Variants in TLE4 observed in about 807,000 individuals in gnomAD.
TLE4 encodes transducin-like enhancer protein 4.
Under a neutral mutation model 92.8 loss-of-function variants are expected in TLE4, and 8 were observed. The ratio of observed to expected loss-of-function variants is 0.09; its 90% CI spans 0.05 to 0.16. TLE4 has a LOEUF of 0.16. Among genes scored for constraint, TLE4 ranks in the 10% least tolerant of loss-of-function variants. The pLI is 1.00. For synonymous variants in TLE4, 371 were observed against 374.1 expected (o/e 0.99, Z 0.10); for missense variants, 675 against 997.6 (o/e 0.68, Z 4.36).
In TLE4 at chr9:79,572,512, A is replaced by G. The variant is rs1469915267; in HGVS notation, c.-279A>G. On this transcript the variant is annotated 5_prime_UTR_variant, in exon 1 of 20. Coordinates refer to ENST00000376552, the MANE Select transcript of TLE4 (RefSeq NM_007005.6). The stretch of plus-strand genomic sequence containing the variant: ...TCGGCGGGTGCGCCTCGGCGGAGCG[A>G]ACGTCGGAGCGTTGCCTTGGGAGAC... The G allele has an allele frequency of 4.5e-5, 7 of 155,266 alleles. No homozygotes were observed. 9.6% of individuals were successfully genotyped at this position (155,266 alleles called of 1,614,324 possible). A position where few individuals can be genotyped will look rare whatever the true frequency, so the allele number is the denominator to read the frequency against.
At chr9:79,638,249 T>C (rs962496392) in intron 6 of TLE4, among the ~76,000 whole-genome samples, 5 of 152,146 alleles carry the variant, frequency 3.3e-5, no homozygotes, top group Non-Finnish European at 7.4e-5. Flanking sequence ...CTTACAGGGA[T>C]TGCCATTATG....
rs557245763 is a variant in TLE4 at position 79,695,608 on chromosome 9, G to A, written c.610-9175G>A. 9.8e-5 allele frequency among the ~76,000 whole-genome samples: 15 copies of A among 152,298 alleles called. No individual in the cohort carries two copies. In the South Asian group the frequency reaches 1.0e-3, roughly 11 times the overall value. ...TTTCGTGGTGATCCAAACGGGCGTGGTCCTTGCCTTCATGGAGCTTCTAGT... is the reference window on the plus strand; with the variant it reads ...TTTCGTGGTGATCCAAACGGGCGTGATCCTTGCCTTCATGGAGCTTCTAGT... On this transcript the variant is annotated intron_variant, in intron 8 of 19. Coordinates refer to ENST00000376552, the MANE Select transcript of TLE4 (RefSeq NM_007005.6).
At chr9:79,675,542 C>T (rs2063121207) in intron 8 of TLE4, among the ~76,000 whole-genome samples, 1 of 152,134 alleles carries the variant, frequency 6.6e-6, no homozygotes, top group South Asian at 2.1e-4. Context: ...AATTAAATTT[C>T]ATTTATTCTT....
At chr9:79,681,008 G>A (rs969679647) in intron 8 of TLE4, among the ~76,000 whole-genome samples, 2 of 152,096 alleles carry the variant, frequency 1.3e-5, no homozygotes, top group African/African-American at 2.4e-5. Flanking sequence ...GCTTTTTGAT[G>A]TGCTGCTGGA....
chr9:79,661,146 C>T (rs993368630), intron 8 of TLE4, among the ~76,000 whole-genome samples: 1 of 152,148 alleles, frequency 6.6e-6, no homozygotes, highest in East Asian at 1.9e-4. Context: ...TAATAGTTGA[C>T]GCTTGAATTT....
intron 8 of TLE4, among the ~76,000 whole-genome samples, chr9:79,677,814 T>G (rs2063555566): frequency 1.3e-5 from 2 of 152,072 alleles, no homozygotes; most frequent in Non-Finnish European, 2.9e-5. Flanking sequence ...GTGGTCAATT[T>G]GTGGATGCTC....
intron 8 of TLE4, among the ~76,000 whole-genome samples, chr9:79,678,556 C>T (rs11791473): frequency 0.3 from 46,262 of 151,718 alleles, 8,906 homozygotes; most frequent in East Asian, 0.57. Context: ...TCAAAATCAC[C>T]TGAACGTTGC....
In TLE4 at chr9:79,706,828, G is replaced by A; in HGVS notation, c.865G>A (p.Ala289Thr). ...LDKTRLLKKD[A>T]PISPASIASS... The stretch of plus-strand genomic sequence containing the variant: ...CAAGACACGCCTGCTCAAGAAAGAT[G>A]CCCCGATTAGTCCAGCCTCTATTGC... The change falls in exon 11 of 20, where the codon GCC (alanine) becomes ACC (threonine). Residue 289 changes from alanine to threonine, a missense_variant. Coordinates refer to ENST00000376552, the MANE Select transcript of TLE4 (RefSeq NM_007005.6). 6.2e-7 allele frequency: 1 copy of A among 1,614,134 alleles called. No individual in the cohort carries two copies. Among genetic ancestry groups the A allele is most frequent in the Non-Finnish European group, 8.5e-7 (1 of 1,180,018 alleles).
intron 5 of TLE4, among the ~76,000 whole-genome samples, chr9:79,614,254 C>T (rs959455285): frequency 1.3e-5 from 2 of 151,986 alleles, no homozygotes; most frequent in Admixed American, 6.6e-5. Context: ...TCGAATTATC[C>T]CTGGGGTGGT....
intron 6 of TLE4, among the ~76,000 whole-genome samples, chr9:79,644,198 T>C (rs2057695598): frequency 6.6e-6 from 1 of 152,098 alleles, no homozygotes; most frequent in South Asian, 2.1e-4. Flanking sequence ...TATGAGGGGC[T>C]TCCCCCTTCA....
chr9:79,622,371 C>T (rs1190264671), intron 5 of TLE4, among the ~76,000 whole-genome samples: 3 of 152,174 alleles, frequency 2.0e-5, no homozygotes, highest in African/African-American at 7.2e-5. Flanking sequence ...CATTCTTGCT[C>T]TTCCTATAAG....
At chr9:79,597,203 C>T (rs2044256894) in intron 4 of TLE4, among the ~76,000 whole-genome samples, 1 of 152,138 alleles carries the variant, frequency 6.6e-6, no homozygotes, top group Non-Finnish European at 1.5e-5. Context: ...CCATCACTGA[C>T]CATCAGACCT....
intron 14 of TLE4, among the ~76,000 whole-genome samples, chr9:79,712,398 C>G (rs2073536532): frequency 6.6e-6 from 1 of 152,078 alleles, no homozygotes; most frequent in Non-Finnish European, 1.5e-5. Flanking sequence ...TTATGTGGCT[C>G]TCCAGATCAT....
At chr9:79,574,847 C>T (rs770245511) in intron 2 of TLE4, 26 bp from the exon 3 acceptor site, 2 of 1,598,008 alleles carry the variant, frequency 1.3e-6, no homozygotes, top group Admixed American at 1.7e-5. Flanking sequence ...GATCATTGTA[C>T]TTAGAGTATC....
At chr9:79,704,970 T>C in intron 9 of TLE4, 68 bp downstream of exon 9, 1 of 1,596,450 alleles carries the variant, frequency 6.3e-7, no homozygotes. Context: ...TTTTACCCTT[T>C]GACTATTACC....
At chr9:79,603,856 G>T (rs910258240) in intron 4 of TLE4, among the ~76,000 whole-genome samples, 1 of 152,072 alleles carries the variant, frequency 6.6e-6, no homozygotes, top group Non-Finnish European at 1.5e-5. Context: ...ATCTGCCATG[G>T]AGCCTACATT....
At chr9:79,678,984 A>G (rs1012156411) in intron 8 of TLE4, among the ~76,000 whole-genome samples, 3 of 151,928 alleles carry the variant, frequency 2.0e-5, no homozygotes, top group Non-Finnish European at 4.4e-5. Flanking sequence ...GTATTCCATG[A>G]TGTATATGTG....
intron 5 of TLE4, among the ~76,000 whole-genome samples, chr9:79,621,753 T>C (rs1389414840): frequency 6.6e-6 from 1 of 152,164 alleles, no homozygotes; most frequent in Non-Finnish European, 1.5e-5. Flanking sequence ...GGTTGGTTGG[T>C]TGATTGTTAA....
chr9:79,647,831 A>C (rs1330858483), intron 6 of TLE4, among the ~76,000 whole-genome samples: 1 of 151,824 alleles, frequency 6.6e-6, no homozygotes, highest in Non-Finnish European at 1.5e-5. Flanking sequence ...AATGGTATTG[A>C]GCTTAAGTGG....
Sources: allele counts gnomAD v4.1 joint callset (sites outside exome capture counted in the v4.1 genomes callset), GRCh38; gene constraint gnomAD v4.1.1; transcripts MANE v1.5; gene names NCBI Gene and HGNC (gene_info 2026-07-23, HGNC 2026-07-21).